The following HMBOX1 variants were observed in gnomAD, a reference collection of about 807,000 sequenced individuals.
The protein encoded by HMBOX1 is homeobox-containing protein 1.
A neutral mutation model predicts 54.5 loss-of-function variants in HMBOX1; 14 were observed. That is an observed-to-expected ratio of 0.26 (90% CI 0.17 to 0.40). The LOEUF (loss-of-function observed/expected upper bound fraction) is 0.40. HMBOX1 is among the 10% of genes least tolerant of loss of function. The pLI is 1.00. For missense variants in HMBOX1, 332 were observed against 514.4 expected (o/e 0.65, Z 3.43); for synonymous variants, 160 against 181.0 (o/e 0.88, Z 0.93).
At chr8:28,958,950 G>A (rs1416134261) in intron 1 of HMBOX1, among the ~76,000 whole-genome samples, 4 of 151,982 alleles carry the variant, frequency 2.6e-5, no homozygotes, top group Non-Finnish European at 4.4e-5. Flanking sequence ...GCATTTCTGC[G>A]TAAATTATAG....
rs1827165149 is a variant in HMBOX1, at chr8:28,970,286, C to T, written c.267C>T (p.Ser89=). The T allele has an allele frequency of 1.2e-6, 2 of 1,614,050 alleles. No homozygotes were observed. Among genetic ancestry groups the T allele is most frequent in the African/African-American group, 2.7e-5 (2 of 74,908 alleles). ...VPASSSTATA[S]TQTQHSGMSP... ...CATCTTCCTCTACAGCTACAGCTTC[C>T]ACACAGACGCAGCATTCGGGAATGT... The change falls in exon 3 of 10, where the codon TCC becomes TCT. Residue 89 remains serine (S), a synonymous_variant. Coordinates refer to ENST00000287701, the MANE Select transcript of HMBOX1 (RefSeq NM_001135726.3). This position sits in a 1 kb window ranked among gnomAD's most constrained non-coding sequence, Gnocchi z 4.3.
intron 4 of HMBOX1, among the ~76,000 whole-genome samples, chr8:28,982,081 C>T (rs1432706522): frequency 2.0e-5 from 3 of 151,990 alleles, no homozygotes; most frequent in Non-Finnish European, 4.4e-5. Context: ...ACTAAAAACA[C>T]AAAAAGCCAG....
chr8:29,011,587 A>C (rs1834227712), intron 5 of HMBOX1, among the ~76,000 whole-genome samples: 1 of 152,158 alleles, frequency 6.6e-6, no homozygotes, highest in Admixed American at 6.5e-5. Context: ...TAGAAATAGG[A>C]AGGACGACTA....
intron 1 of HMBOX1, among the ~76,000 whole-genome samples, chr8:28,932,917 TA>T: frequency 6.6e-6 from 1 of 152,310 alleles, no homozygotes; most frequent in Admixed American, 6.5e-5. Flanking sequence ...TCCAATAAAC[TA>T]GATCATTTTC....
intron 1 of HMBOX1, among the ~76,000 whole-genome samples, chr8:28,906,140 T>C (rs2131614992): frequency 6.6e-6 from 1 of 152,368 alleles, no homozygotes; most frequent in South Asian, 2.1e-4. Flanking sequence ...AAATCTAACC[T>C]GAATGGATTG....
intron 6 of HMBOX1, among the ~76,000 whole-genome samples, chr8:29,039,715 A>T (rs1298536438): frequency 1.3e-5 from 2 of 152,130 alleles, no homozygotes; most frequent in Non-Finnish European, 2.9e-5. Context: ...CTGAGCAACT[A>T]CTATGTCCTC....
chr8:28,938,835 G>A (rs1301145643), intron 1 of HMBOX1, among the ~76,000 whole-genome samples: 4 of 152,014 alleles, frequency 2.6e-5, no homozygotes, highest in Admixed American at 2.6e-4. Flanking sequence ...AAAAGCCTAG[G>A]GCAGATGGCA....
At chr8:28,945,452 G>T (rs1313594690) in intron 1 of HMBOX1, among the ~76,000 whole-genome samples, 1 of 152,144 alleles carries the variant, frequency 6.6e-6, no homozygotes, top group Non-Finnish European at 1.5e-5. Context: ...TGTTAACTAT[G>T]TATAACAAGA....
intron 4 of HMBOX1, among the ~76,000 whole-genome samples, chr8:28,985,371 A>C (rs1304488057): frequency 6.6e-6 from 1 of 152,162 alleles, no homozygotes; most frequent in Non-Finnish European, 1.5e-5. Flanking sequence ...ACATCACCTA[A>C]TCACCTCCCA....
At chr8:28,919,887 C>T (rs777469762) in intron 1 of HMBOX1, among the ~76,000 whole-genome samples, 2 of 151,896 alleles carry the variant, frequency 1.3e-5, no homozygotes, top group African/African-American at 4.8e-5. Context: ...CTCAAGAGAT[C>T]AGTGTTATAG....
At chr8:28,907,223 A>T (rs975369559) in intron 1 of HMBOX1, among the ~76,000 whole-genome samples, 5 of 152,184 alleles carry the variant, frequency 3.3e-5, no homozygotes, top group African/African-American at 1.2e-4. Flanking sequence ...ACAAACTGTA[A>T]TGTATATTTC....
chr8:29,046,260 C>A (rs1435722021), intron 7 of HMBOX1: 1 of 152,240 alleles, frequency 6.6e-6, no homozygotes, highest in Non-Finnish European at 1.5e-5. Flanking sequence ...GGAATCTGTA[C>A]CCTGTTTCAA....
intron 4 of HMBOX1, among the ~76,000 whole-genome samples, chr8:28,986,048 A>G (rs941161440): frequency 6.6e-6 from 1 of 152,202 alleles, no homozygotes; most frequent in African/African-American, 2.4e-5. Flanking sequence ...GAGTTGTTGC[A>G]CTGCCCAAAA....
chr8:28,928,133 CAAAA>C (rs1282994181), intron 1 of HMBOX1, among the ~76,000 whole-genome samples: 1 of 135,810 alleles, frequency 7.4e-6, no homozygotes, highest in African/African-American at 2.7e-5. Context: ...GACTCCGTCT[CAAAA>C]AAAAAAAAGA....
chr8:28,997,948 T>G (rs1322703922), intron 4 of HMBOX1, among the ~76,000 whole-genome samples: 7 of 152,210 alleles, frequency 4.6e-5, no homozygotes, highest in Non-Finnish European at 1.5e-5. Flanking sequence ...TTTTTTATTT[T>G]TATAGAAGAG....
At chr8:28,939,594 GCC>G in intron 1 of HMBOX1, among the ~76,000 whole-genome samples, 1 of 151,406 alleles carries the variant, frequency 6.6e-6, no homozygotes, top group African/African-American at 2.4e-5. Context: ...TGCAATCTCC[GCC>G]CCCCCTGGGT....
intron 4 of HMBOX1, among the ~76,000 whole-genome samples, chr8:28,991,907 T>G (rs1008441522): frequency 6.6e-6 from 1 of 152,228 alleles, no homozygotes; most frequent in Non-Finnish European, 1.5e-5. Flanking sequence ...TATAACTTAT[T>G]TAACACTATC....
chr8:28,912,631 C>G (rs1458071050), intron 1 of HMBOX1, among the ~76,000 whole-genome samples: 1 of 152,260 alleles, frequency 6.6e-6, no homozygotes, highest in South Asian at 2.1e-4. Flanking sequence ...GAAACACTTG[C>G]TTCTGCGGCT....
intron 6 of HMBOX1, among the ~76,000 whole-genome samples, chr8:29,028,022 T>C (rs1245252928): frequency 6.6e-6 from 1 of 152,212 alleles, no homozygotes; most frequent in African/African-American, 2.4e-5. Context: ...TAGAACCCTC[T>C]GAAATTATAC....
Sources: gnomAD v4.1 joint callset for allele counts (sites outside exome capture counted in the v4.1 genomes callset) on GRCh38, gnomAD v4.1.1 for gene constraint, Gnocchi (gnomAD v3.1) non-coding constraint, MANE v1.5 for transcripts, NCBI Gene and HGNC (gene_info 2026-07-23, HGNC 2026-07-21) for gene names.